GXYLT2: variants seen among roughly 807,000 people sequenced by gnomAD.
The protein encoded by GXYLT2 is glucoside xylosyltransferase 2.
Under a neutral mutation model 45.8 loss-of-function variants are expected in GXYLT2, and 53 were observed. The ratio of observed to expected loss-of-function variants is 1.16; its 90% confidence interval spans 0.93 to 1.46. GXYLT2 has a LOEUF of 1.46. GXYLT2 is among the 40% of genes most tolerant of loss of function. The pLI is 0.00. For synonymous variants in GXYLT2, 219 were observed against 214.2 expected (o/e 1.02, Z -0.19); for missense variants, 551 against 544.4 (o/e 1.01, Z -0.12).
In GXYLT2 at chr3:72,976,047, TCAGCCTCCC is replaced by T. The variant is rs1184256062; in HGVS notation, c.*892_*900del. 1 of 150,342 alleles carries T rather than the reference TCAGCCTCCC, an allele frequency of 6.7e-6. No individual in the cohort carries two copies. Among genetic ancestry groups the T allele is most frequent in the Non-Finnish European group, 1.5e-5 (1 of 67,750 alleles). The allele number at this position is 150,342 out of a possible 1,614,324, so 9.3% of individuals were successfully genotyped here. ...CCTGGGTTCAAGTGATTCTCATGCCTCAGCCTCCCCAGTAGCTGGGATTACAAGTGTGTG... is the reference window on the plus strand; with the variant it reads ...CCTGGGTTCAAGTGATTCTCATGCCTCAGTAGCTGGGATTACAAGTGTGTG... On this transcript the variant is annotated 3_prime_UTR_variant, in exon 7 of 7. Coordinates refer to ENST00000389617, the MANE Select transcript of GXYLT2 (RefSeq NM_001080393.2).
At chr3:72,958,272 C>CAAA (rs59128233) in intron 5 of GXYLT2, among the ~76,000 whole-genome samples, 1 of 127,414 alleles carries the variant, frequency 7.8e-6, no homozygotes. Flanking sequence ...GACTCTGTCT[C>CAAA]AAAAAAAAAA....
Position 72,888,097 on chromosome 3 carries a change from C to A in GXYLT2, c.-137C>A. 1 of 447,618 alleles carries A rather than the reference C, an allele frequency of 2.2e-6. No individual in the cohort carries two copies. Among genetic ancestry groups the A allele is most frequent in the Non-Finnish European group, 2.9e-6 (1 of 339,796 alleles). 27.7% of individuals were successfully genotyped at this position (447,618 alleles called of 1,614,324 possible). A position where few individuals can be genotyped will look rare whatever the true frequency, so the allele number is the denominator to read the frequency against. ...CGTCGCCGCCGCCGCCGGCCGCCCG[C>A]CGGCCGCCACGACCCCAGTCCCCGG... On this transcript the variant is annotated 5_prime_UTR_variant, in exon 1 of 7. Transcript: ENST00000389617.
chr3:72,905,574 A>G lies in GXYLT2; in HGVS notation c.276-2793A>G, dbSNP rs555784559. ...TTCCTATTTTTCATTTTCAATAAACAGAGCTGCTGTGAACATTCTTGCATA... is the reference window on the plus strand; with the variant it reads ...TTCCTATTTTTCATTTTCAATAAACGGAGCTGCTGTGAACATTCTTGCATA... On this transcript the variant is annotated intron_variant, in intron 1 of 6. Coordinates refer to ENST00000389617, the MANE Select transcript of GXYLT2 (RefSeq NM_001080393.2). Among the ~76,000 whole-genome samples the G allele has an allele frequency of 4.6e-5, 7 of 152,330 alleles. No homozygotes were observed. The South Asian group carries it at 1.4e-3, about 32-fold the overall frequency.
chr3:72,931,313 C>T (rs1023098267), intron 3 of GXYLT2, among the ~76,000 whole-genome samples: 5 of 151,850 alleles, frequency 3.3e-5, no homozygotes, highest in Non-Finnish European at 7.4e-5. Flanking sequence ...CTGCAAGCTC[C>T]GCCTCCCAGG....
In GXYLT2 at chr3:72,975,266, T is replaced by C; in HGVS notation, c.*107T>C. On this transcript the variant is annotated 3_prime_UTR_variant, in exon 7 of 7. Transcript: ENST00000389617. The stretch of plus-strand genomic sequence containing the variant: ...TGAATATTTAATGGTGCTCCATGAC[T>C]GTTGAGTTTTAAAAACCTCGTTAAA... 1.3e-6 allele frequency: 1 copy of C among 767,546 alleles called. No homozygotes were observed. The highest frequency in any genetic ancestry group is 1.9e-6 in the Non-Finnish European group (1 of 521,788). The allele number at this position is 767,546 out of a possible 1,614,324, so 47.5% of individuals were successfully genotyped here.
chr3:72,919,569 A>G (rs144203121), intron 2 of GXYLT2, among the ~76,000 whole-genome samples: 9 of 152,250 alleles, frequency 5.9e-5, no homozygotes, highest in Non-Finnish European at 1.0e-4. Context: ...AGCCTGACCA[A>G]CATGGTGAAA....
Position 72,975,169 on chromosome 3 carries a change from C to G in GXYLT2, c.*10C>G. 6.2e-7 allele frequency: 1 copy of G among 1,604,314 alleles called. No homozygotes were observed. Among genetic ancestry groups the G allele is most frequent in the Non-Finnish European group, 8.5e-7 (1 of 1,173,416 alleles). On this transcript the variant is annotated 3_prime_UTR_variant, in exon 7 of 7. Transcript: ENST00000389617. Reference sequence around the variant, plus strand: ...CAACCAGATGCACTGAATATTTTGTCTTGTTGCAAGTCAATTAGGTGTCTT... The same window carrying G: ...CAACCAGATGCACTGAATATTTTGTGTTGTTGCAAGTCAATTAGGTGTCTT...
At chr3:72,932,417 C>T (rs911316849) in intron 3 of GXYLT2, among the ~76,000 whole-genome samples, 2 of 152,328 alleles carry the variant, frequency 1.3e-5, no homozygotes, top group South Asian at 4.1e-4. Flanking sequence ...TCAAAGTTAT[C>T]TATTTCCATT....
intron 3 of GXYLT2, among the ~76,000 whole-genome samples, chr3:72,947,342 T>C (rs1284631898): frequency 6.6e-6 from 1 of 152,060 alleles, no homozygotes; most frequent in Non-Finnish European, 1.5e-5. Flanking sequence ...ACTTTGACGG[T>C]AATAGAGCAG....
intron 2 of GXYLT2, among the ~76,000 whole-genome samples, chr3:72,921,420 T>C (rs1413988526): frequency 6.6e-6 from 1 of 152,158 alleles, no homozygotes; most frequent in African/African-American, 2.4e-5. Flanking sequence ...TTTTTCTTTT[T>C]CAATTTAATT....
intron 2 of GXYLT2, among the ~76,000 whole-genome samples, chr3:72,914,947 A>C (rs1433350168): frequency 6.6e-6 from 1 of 152,108 alleles, no homozygotes; most frequent in Non-Finnish European, 1.5e-5. Flanking sequence ...ACACTTTGGG[A>C]GGCCAAGGCA....
chr3:72,967,842 C>T lies in GXYLT2; in HGVS notation c.1149+123C>T, dbSNP rs1710896652. ...AAGCATAGAGTTATACCAGTTATTCCCGACCTCAGTCACGCTCTGTCACTA... is the reference window on the plus strand; with the variant it reads ...AAGCATAGAGTTATACCAGTTATTCTCGACCTCAGTCACGCTCTGTCACTA... On this transcript the variant is annotated intron_variant, in intron 6 of 6. Transcript: ENST00000389617. 4 of 751,164 alleles carry T rather than the reference C, an allele frequency of 5.3e-6. No homozygotes were observed. In the South Asian group the frequency reaches 7.0e-5, roughly 13 times the overall value. The allele number at this position is 751,164 out of a possible 1,614,324, so 46.5% of individuals were successfully genotyped here.
chr3:72,904,831 A>G (rs1193955932), intron 1 of GXYLT2, among the ~76,000 whole-genome samples: 1 of 148,624 alleles, frequency 6.7e-6, no homozygotes, highest in Non-Finnish European at 1.5e-5. Context: ...ACTTGAGGCG[A>G]GGCATTCGAG....
In GXYLT2 at chr3:72,907,011, G is replaced by A. The variant is rs550496549; in HGVS notation, c.276-1356G>A. Among the ~76,000 whole-genome samples the A allele has an allele frequency of 6.6e-5, 10 of 152,308 alleles. 2 individuals are homozygous for A. In the South Asian group the frequency reaches 1.9e-3, roughly 28 times the overall value. On this transcript the variant is annotated intron_variant, in intron 1 of 6. Coordinates refer to ENST00000389617, the MANE Select transcript of GXYLT2 (RefSeq NM_001080393.2). ...AACCAGGAGAAAGCATAGGCTGGGG[G>A]TTAAAGATAAGATTGGAGACAGGTG...
intron 3 of GXYLT2, among the ~76,000 whole-genome samples, chr3:72,943,703 A>G (rs1291820344): frequency 2.0e-5 from 3 of 150,980 alleles, no homozygotes; most frequent in Non-Finnish European, 4.4e-5. Flanking sequence ...ATTATGATAA[A>G]TAGAAATCAC....
At chr3:72,963,505 T>TG in intron 5 of GXYLT2, among the ~76,000 whole-genome samples, 1 of 82,028 alleles carries the variant, frequency 1.2e-5, no homozygotes, top group Middle Eastern at 5.1e-3. Context: ...CCGGAGTTTT[T>TG]TGTTTTTTTT....
intron 3 of GXYLT2, among the ~76,000 whole-genome samples, chr3:72,946,386 C>T (rs978674874): frequency 8.6e-5 from 13 of 151,288 alleles, no homozygotes; most frequent in Admixed American, 1.3e-4. Flanking sequence ...ACATCCCAGT[C>T]GTAGAGAAGA....
At chr3:72,956,195 A>G (rs149974049) in intron 4 of GXYLT2, among the ~76,000 whole-genome samples, 1,855 of 152,132 alleles carry the variant, frequency 0.012, 24 homozygotes, top group Non-Finnish European at 0.015. Flanking sequence ...AGGCTGCATT[A>G]TAGCCACTGC....
chr3:72,910,525 G>A (rs1335521581), intron 2 of GXYLT2, among the ~76,000 whole-genome samples: 5 of 152,278 alleles, frequency 3.3e-5, no homozygotes, highest in African/African-American at 9.6e-5. Flanking sequence ...GATAGGTCAG[G>A]TCAGGCTTCA....
Sources: allele counts gnomAD v4.1 joint callset (sites outside exome capture counted in the v4.1 genomes callset), GRCh38; gene constraint gnomAD v4.1.1; transcripts MANE v1.5; gene names NCBI Gene and HGNC (gene_info 2026-07-23, HGNC 2026-07-21).